Variants in HSD17B12 observed in about 807,000 individuals in gnomAD.
HSD17B12 encodes the protein very-long-chain 3-oxoacyl-CoA reductase.
A neutral mutation model predicts 39.3 loss-of-function variants in HSD17B12; 32 were observed. The observed-to-expected ratio is 0.81, with a 90% CI of 0.61 to 1.09. The LOEUF is 1.09. Among genes scored for constraint, HSD17B12 ranks in the 50% least tolerant of loss-of-function variants. HSD17B12 has a pLI of 0.00. For synonymous variants in HSD17B12, 150 were observed against 146.7 expected (o/e 1.02, Z -0.16); for missense variants, 342 against 382.9 (o/e 0.89, Z 0.89).
intron 1 of HSD17B12, among the ~76,000 whole-genome samples, chr11:43,693,381 A>G (rs1359887683): frequency 1.3e-5 from 2 of 152,204 alleles, no homozygotes; most frequent in African/African-American, 2.4e-5. Flanking sequence ...GGTATGAGGC[A>G]AGAAACAGTC....
rs1455778109 is a variant in HSD17B12, at chr11:43,854,863, T to C, written c.833T>C (p.Met278Thr). 3 of 1,612,666 alleles carry C rather than the reference T, an allele frequency of 1.9e-6. No individual in the cohort carries two copies. The highest frequency in any genetic ancestry group is 1.7e-5 in the Admixed American group (1 of 59,600). Residue 278 changes from methionine to threonine, a missense_variant and splice_region_variant, in exon 10 of 11, where the codon ATG becomes ACG. Met to Thr is a moderately conservative substitution (Grantham distance 81). Coordinates refer to ENST00000278353, the MANE Select transcript of HSD17B12 (RefSeq NM_016142.3). ...AATGGATACCTGATCCATGCTCTTA[T>C]GGTAGGTAGATTTTTTGAATCACAA... ...RTNGYLIHALMGSIISNLPSW... is the reference protein window; with the variant it reads ...RTNGYLIHALTGSIISNLPSW...
At chr11:43,722,529 T>C (rs777029808) in intron 1 of HSD17B12, among the ~76,000 whole-genome samples, 6 of 151,992 alleles carry the variant, frequency 3.9e-5, no homozygotes, top group Non-Finnish European at 8.8e-5. Context: ...CTGGCCAACA[T>C]AGTGAGCTCT....
the HSD17B12 span, among the ~76,000 whole-genome samples, chr11:43,588,622 T>TTATTATTAC: frequency 6.7e-6 from 1 of 149,252 alleles, no homozygotes; most frequent in Non-Finnish European, 1.5e-5. Context: ...ATTATTATTA[T>TTATTATTAC]TATTATTATT....
chr11:43,679,551 A>C (rs1409024094), upstream of HSD17B12, among the ~76,000 whole-genome samples: 1 of 152,258 alleles, frequency 6.6e-6, no homozygotes, highest in South Asian at 2.1e-4. Flanking sequence ...CCATGCCTCT[A>C]TCTGGACTTC....
At chr11:43,602,823 G>A in the HSD17B12 span, among the ~76,000 whole-genome samples, 1 of 151,906 alleles carries the variant, frequency 6.6e-6, no homozygotes, top group Admixed American at 6.6e-5. Flanking sequence ...ATGGATTGAG[G>A]TAGAAGTTTG....
the HSD17B12 span, among the ~76,000 whole-genome samples, chr11:43,626,241 A>G: frequency 6.6e-6 from 1 of 151,774 alleles, no homozygotes; most frequent in Non-Finnish European, 1.5e-5. Flanking sequence ...ACTAAATATA[A>G]AATTTTTAAA....
rs1232125962 is a variant in HSD17B12, at chr11:43,690,388, A to ATTTTTTT, written c.160+9402_160+9403insTTTTTTT. Among the ~76,000 whole-genome samples, 4 of 11,794 alleles carry ATTTTTTT rather than the reference A, an allele frequency of 3.4e-4. 1 individual carries two copies. Among genetic ancestry groups the ATTTTTTT allele is most frequent in the African/African-American group, 1.6e-3 (3 of 1,860 alleles). The allele number at this position is 11,794 out of a possible 152,430, so 7.7% of individuals were successfully genotyped here. On this transcript the variant is annotated intron_variant, in intron 1 of 10. Coordinates refer to ENST00000278353, the MANE Select transcript of HSD17B12 (RefSeq NM_016142.3). ...TATATATATATATATATATATATAT[A>ATTTTTTT]TATATATATATATATATTTTTTTTT...
chr11:43,660,951 C>G, the HSD17B12 span, among the ~76,000 whole-genome samples: 1 of 152,086 alleles, frequency 6.6e-6, no homozygotes, highest in East Asian at 1.9e-4. Flanking sequence ...ATGGCGAAAC[C>G]CCGTCTCTAC....
intron 3 of HSD17B12, among the ~76,000 whole-genome samples, chr11:43,758,171 A>T (rs764145810): frequency 6.6e-6 from 1 of 152,112 alleles, no homozygotes; most frequent in Non-Finnish European, 1.5e-5. Flanking sequence ...TCATAAAAAT[A>T]TTTGGCCCAA....
chr11:43,575,719 TG>T, the HSD17B12 span, among the ~76,000 whole-genome samples: 1 of 152,220 alleles, frequency 6.6e-6, no homozygotes, highest in African/African-American at 2.4e-5. The surrounding 1 kb of genome is among the most constrained non-coding windows in gnomAD (Gnocchi z 4.1). Flanking sequence ...GAGGAGAATC[TG>T]CACGTGACGT....
chr11:43,623,469 A>T, the HSD17B12 span, among the ~76,000 whole-genome samples: 1 of 152,076 alleles, frequency 6.6e-6, no homozygotes, highest in Admixed American at 6.6e-5. Flanking sequence ...TTGTGAAATG[A>T]TCAGCAGTTT....
At chr11:43,842,857 T>TA (rs754531716) in intron 9 of HSD17B12, among the ~76,000 whole-genome samples, 11 of 152,194 alleles carry the variant, frequency 7.2e-5, no homozygotes, top group Non-Finnish European at 1.3e-4. Context: ...AAGGTAGCAT[T>TA]AGGCCTTGTG....
the HSD17B12 span, among the ~76,000 whole-genome samples, chr11:43,656,502 A>AT: frequency 6.6e-6 from 1 of 151,934 alleles, no homozygotes; most frequent in Non-Finnish European, 1.5e-5. Context: ...TAGGGTGTCA[A>AT]TTTTAGATCT....
At chr11:43,751,097 C>A in intron 2 of HSD17B12, 140 bp downstream of exon 2, 2 of 500,600 alleles carry the variant, frequency 4.0e-6, no homozygotes, top group Non-Finnish European at 6.8e-6. Flanking sequence ...TTTGTTTCTA[C>A]CTTGTTGGAA....
At chr11:43,827,780 T>G (rs529068473) in intron 6 of HSD17B12, among the ~76,000 whole-genome samples, 1 of 152,212 alleles carries the variant, frequency 6.6e-6, no homozygotes, top group Admixed American at 6.5e-5. Context: ...AAGCCTCTTA[T>G]TTATTTCCCA....
At chr11:43,730,494 T>C (rs1417290483) in intron 1 of HSD17B12, among the ~76,000 whole-genome samples, 2 of 152,232 alleles carry the variant, frequency 1.3e-5, no homozygotes, top group Non-Finnish European at 2.9e-5. Context: ...TGAGCTTCCA[T>C]GGTTTTGACT....
chr11:43,828,599 A>G (rs967432350), intron 6 of HSD17B12, among the ~76,000 whole-genome samples: 18 of 151,906 alleles, frequency 1.2e-4, no homozygotes, highest in African/African-American at 4.4e-4. Context: ...CTTTTTTTAG[A>G]AGTGTGTTAA....
chr11:43,837,478 C>G (rs1244473574), intron 7 of HSD17B12, among the ~76,000 whole-genome samples: 1 of 152,130 alleles, frequency 6.6e-6, no homozygotes, highest in Non-Finnish European at 1.5e-5. Context: ...TTTACCTAAC[C>G]TATACATACT....
chr11:43,784,328 T>G (rs1714045642), intron 3 of HSD17B12, among the ~76,000 whole-genome samples: 1 of 148,370 alleles, frequency 6.7e-6, no homozygotes, highest in South Asian at 2.1e-4. Flanking sequence ...ATTATTATTA[T>G]TATTATTATT....
Sources: gnomAD v4.1 joint callset for allele counts (sites outside exome capture counted in the v4.1 genomes callset) on GRCh38, gnomAD v4.1.1 for gene constraint, Gnocchi (gnomAD v3.1) non-coding constraint, MANE v1.5 for transcripts, NCBI Gene and HGNC (gene_info 2026-07-23, HGNC 2026-07-21) for gene names.